The following CFTR variants were observed in gnomAD, a reference collection of about 807,000 sequenced individuals.
CFTR encodes the protein CF transmembrane conductance regulator, also known as cystic fibrosis transmembrane conductance regulator.
CFTR carries 181 observed loss-of-function variants against 171.6 expected under a neutral mutation model. That is an observed-to-expected ratio of 1.05 (90% CI 0.93 to 1.19). The LOEUF is 1.19. Ranked by LOEUF, CFTR falls within the 50% of genes most tolerant of loss-of-function variation. The pLI is 0.00. For missense variants in CFTR, 1,968 were observed against 1,734.7 expected (o/e 1.13, Z -2.39); for synonymous variants, 583 against 608.0 (o/e 0.96, Z 0.60).
At chr7:117,584,231 C>G (rs1224647407) in intron 11 of CFTR, among the ~76,000 whole-genome samples, 1 of 152,076 alleles carries the variant, frequency 6.6e-6, no homozygotes, top group Non-Finnish European at 1.5e-5. Context: ...GGATCTTAGT[C>G]ATGAACTTTT....
chr7:117,564,104 T>C (rs1291632296), intron 11 of CFTR, among the ~76,000 whole-genome samples: 1 of 152,208 alleles, frequency 6.6e-6, no homozygotes, highest in Non-Finnish European at 1.5e-5. Context: ...TTTATTTTGG[T>C]ATACTCCACG....
chr7:117,642,657 C>G, intron 23 of CFTR, 64 bp downstream of exon 23: 1 of 1,518,916 alleles, frequency 6.6e-7, no homozygotes. Flanking sequence ...CTATTTGATA[C>G]TTGTACTCAA....
At chr7:117,499,462 T>TGTG (rs1554375131) in intron 1 of CFTR, among the ~76,000 whole-genome samples, 1 of 149,274 alleles carries the variant, frequency 6.7e-6, no homozygotes, top group Non-Finnish European at 1.5e-5. Flanking sequence ...TGTGTGTGTG[T>TGTG]TTAAAAAATC....
In CFTR at chr7:117,591,980, T is replaced by C. The variant is rs747283431; in HGVS notation, c.1813T>C (p.Ser605Pro). The C allele has an allele frequency of 6.3e-7, 1 of 1,599,096 alleles. No homozygotes were observed. Among genetic ancestry groups the C allele is most frequent in the East Asian group, 2.2e-5 (1 of 44,816 alleles). ...TAACAAAACTAGGATTTTGGTCACT[T>C]CTAAAATGGAACATTTAAAGAAAGC... ...MANKTRILVTSKMEHLKKADK... is the reference protein window; with the variant it reads ...MANKTRILVTPKMEHLKKADK... Residue 605 changes from serine to proline, a missense_variant, in exon 14 of 27, where the codon TCT (serine) becomes CCT (proline). By Grantham distance (74) the Ser-to-Pro change is moderately conservative. Transcript: ENST00000003084.
At chr7:117,625,664 C>T (rs1210578284) in intron 21 of CFTR, among the ~76,000 whole-genome samples, 2 of 152,140 alleles carry the variant, frequency 1.3e-5, no homozygotes. Context: ...CAACTTTATA[C>T]AGTTAATCTA....
chr7:117,616,949 T>A (rs568608662), intron 21 of CFTR, among the ~76,000 whole-genome samples: 1 of 152,170 alleles, frequency 6.6e-6, no homozygotes, highest in Admixed American at 6.5e-5. Flanking sequence ...AGTAACTTTT[T>A]TGTTTTCACC....
chr7:117,642,414 G>A lies in CFTR; in HGVS notation c.3718-24G>A, dbSNP rs374013084. The A allele has an allele frequency of 4.7e-4, 754 of 1,607,344 alleles. 6 individuals are homozygous for A. In the South Asian group the frequency reaches 6.8e-3, roughly 14 times the overall value. On this transcript the variant is annotated intron_variant, in intron 22 of 26. Coordinates refer to ENST00000003084, the MANE Select transcript of CFTR (RefSeq NM_000492.4). ...CATGGTACCTATATGTCACAGAAGT[G>A]ATCCCATCACTTTTACCTTATAGGT... is the stretch of plus-strand genomic sequence containing the variant.
intron 21 of CFTR, among the ~76,000 whole-genome samples, chr7:117,619,139 A>G (rs1056074275): frequency 6.6e-6 from 1 of 152,198 alleles, no homozygotes; most frequent in Admixed American, 6.5e-5. Context: ...TGCTAAAGCA[A>G]TTATCTTACA....
chr7:117,612,372 T>C (rs1447845699), intron 20 of CFTR, among the ~76,000 whole-genome samples: 1 of 151,712 alleles, frequency 6.6e-6, no homozygotes, highest in Non-Finnish European at 1.5e-5. Context: ...AGAAAGACAG[T>C]GTCACATTTT....
chr7:117,637,958 A>G (rs1792851544), intron 22 of CFTR, among the ~76,000 whole-genome samples: 1 of 152,142 alleles, frequency 6.6e-6, no homozygotes, highest in Non-Finnish European at 1.5e-5. Flanking sequence ...AGAACCTGGT[A>G]AGCATCCTAT....
chr7:117,595,434 A>G (rs1792105301), intron 15 of CFTR, among the ~76,000 whole-genome samples: 1 of 150,674 alleles, frequency 6.6e-6, no homozygotes, highest in South Asian at 2.1e-4. Context: ...GAAGGCTTTT[A>G]TTTGGATTGA....
intron 2 of CFTR, 123 bp downstream of exon 2, chr7:117,504,486 G>A (rs1465633776): frequency 1.5e-6 from 1 of 658,876 alleles, no homozygotes; most frequent in East Asian, 2.8e-5. Flanking sequence ...AAGTATGGTG[G>A]CTAATGCCTG....
rs766181463 is a variant in CFTR at position 117,603,546 on chromosome 7, A to G, written c.2672A>G (p.Asp891Gly). The change falls in exon 17 of 27, where the codon GAC becomes GGC. Residue 891 changes from aspartate to glycine, a missense_variant. Asp to Gly is a moderately conservative substitution (Grantham distance 94, BLOSUM62 -1). Transcript: ENST00000003084. ...TTGCTTTACAGCACTCCTCTTCAAGACAAAGGGAATAGTACTCATAGTAGA... is the reference window on the plus strand; with the variant it reads ...TTGCTTTACAGCACTCCTCTTCAAGGCAAAGGGAATAGTACTCATAGTAGA... The part of the protein sequence containing the change: ...LWLLGNTPLQ[D>G]KGNSTHSRNN... 24 of 1,613,814 alleles carry G rather than the reference A, an allele frequency of 1.5e-5. No homozygotes were observed. Among genetic ancestry groups the G allele is most frequent in the Middle Eastern group, 1.6e-4 (1 of 6,082 alleles).
At chr7:117,656,367 TG>T (rs1370342599) in intron 24 of CFTR, among the ~76,000 whole-genome samples, 1 of 152,212 alleles carries the variant, frequency 6.6e-6, no homozygotes, top group African/African-American at 2.4e-5. Context: ...AGGAATCGTC[TG>T]CCTTTGGGTA....
intron 23 of CFTR, among the ~76,000 whole-genome samples, chr7:117,643,586 AAGCTTT>A (rs1241401553): frequency 3.3e-5 from 5 of 152,148 alleles, no homozygotes; most frequent in Non-Finnish European, 7.4e-5. Flanking sequence ...ATGTTGCCAG[AAGCTTT>A]ATCCTGGTTG....
chr7:117,481,175 G>A (rs1797995466), intron 1 of CFTR, among the ~76,000 whole-genome samples: 1 of 152,130 alleles, frequency 6.6e-6, no homozygotes, highest in East Asian at 1.9e-4. Context: ...CTGGAACTCC[G>A]GTGCTAAGGA....
chr7:117,566,599 T>TAAAA (rs74273928), intron 11 of CFTR, among the ~76,000 whole-genome samples: 1 of 140,436 alleles, frequency 7.1e-6, no homozygotes, highest in Non-Finnish European at 1.6e-5. Flanking sequence ...AGCAATAACT[T>TAAAA]AAAAAAAAAA....
intron 20 of CFTR, 146 bp from the exon 21 acceptor site, chr7:117,614,467 G>T: frequency 1.5e-6 from 1 of 668,110 alleles, no homozygotes; most frequent in South Asian, 1.6e-5. Context: ...ATGCTGTGAT[G>T]AACTGAGATT....
chr7:117,624,112 CTT>C lies in CFTR; in HGVS notation c.3469-3408_3469-3407del, dbSNP rs548931622. On this transcript the variant is annotated intron_variant, in intron 21 of 26. Coordinates refer to ENST00000003084, the MANE Select transcript of CFTR (RefSeq NM_000492.4). ...GAAATTAAGTGTACAAGAAATATGA[CTT>C]TACTTTTTCTGTGATTGAGTTTATT... is the stretch of plus-strand genomic sequence containing the variant. Among the ~76,000 whole-genome samples, 612 of 152,198 alleles carry C rather than the reference CTT, an allele frequency of 4.0e-3. 6 individuals are homozygous for C. The highest frequency in any genetic ancestry group is 0.014 in the African/African-American group (577 of 41,528).
Sources: gnomAD v4.1 joint callset for allele counts (sites outside exome capture counted in the v4.1 genomes callset) on GRCh38, gnomAD v4.1.1 for gene constraint, MANE v1.5 for transcripts, NCBI Gene and HGNC (gene_info 2026-07-23, HGNC 2026-07-21) for gene names.